DIDO1: variants seen among roughly 807,000 people sequenced by gnomAD.
The protein encoded by DIDO1 is death-inducer obliterator 1.
DIDO1 carries 16 observed loss-of-function variants against 99.4 expected under a neutral mutation model. That is an observed-to-expected ratio of 0.16 (90% CI 0.11 to 0.24). DIDO1 has a LOEUF of 0.24. Ranked by LOEUF, DIDO1 falls within the 10% of genes least tolerant of loss-of-function variation. DIDO1 has a pLI of 1.00. For missense variants in DIDO1, 2,996 were observed against 3,014.0 expected (o/e 0.99, Z 0.14); for synonymous variants, 1,366 against 1,239.1 (o/e 1.10, Z -2.15).
chr20:62,899,513 G>A (rs2064614787), intron 6 of DIDO1, among the ~76,000 whole-genome samples: 2 of 152,336 alleles, frequency 1.3e-5, no homozygotes, highest in Middle Eastern at 3.4e-3. Context: ...CCCTCACTTA[G>A]GGAAAACCCG....
At chr20:62,891,462 G>C (rs554589606) in intron 14 of DIDO1, among the ~76,000 whole-genome samples, 1 of 152,072 alleles carries the variant, frequency 6.6e-6, no homozygotes, top group Non-Finnish European at 1.5e-5. Flanking sequence ...TAGCCCTTTC[G>C]TGAACCTGAC....
At chr20:62,887,820 TG>T in intron 15 of DIDO1, 1 of 985,096 alleles carries the variant, frequency 1.0e-6, no homozygotes, top group Non-Finnish European at 1.2e-6. Context: ...TGGAACTGAG[TG>T]GGGTGAACAT....
rs114915916 is a variant in DIDO1 at position 62,885,565 on chromosome 20, C to T, written c.3542-3151G>A. 9.5e-3 allele frequency among the ~76,000 whole-genome samples: 1,443 copies of T among 152,266 alleles called. 16 individuals are homozygous for T. Among genetic ancestry groups the T allele is most frequent in the African/African-American group, 0.033 (1,370 of 41,540 alleles). On this transcript the variant is annotated intron_variant, in intron 15 of 15. Coordinates refer to ENST00000395343, the MANE Select transcript of DIDO1 (RefSeq NM_001193369.2). ...ATTGGCATCAAACACGCAGCTGGCA[C>T]GTGTAAATGCTCCCAGCTCTTGGTG...
intron 6 of DIDO1, among the ~76,000 whole-genome samples, chr20:62,904,278 G>A (rs2064751201): frequency 1.3e-5 from 2 of 152,102 alleles, no homozygotes; most frequent in African/African-American, 2.4e-5. Context: ...CTGCTCTATC[G>A]TAGAGGTGCT....
Position 62,921,967 on chromosome 20 carries a change from T to TAC in DIDO1, c.-200+4470_-200+4471dup, listed in dbSNP as rs199569249. 8.7e-3 allele frequency among the ~76,000 whole-genome samples: 1,304 copies of TAC among 150,378 alleles called. 9 individuals carry two copies. The highest frequency in any genetic ancestry group is 0.014 in the Non-Finnish European group (969 of 67,656). ...ACACTATATATGTCCACAATATATATACACACTATACATATGTCCACAATA... is the reference window on the plus strand; with the variant it reads ...ACACTATATATGTCCACAATATATATACACACACTATACATATGTCCACAATA... On this transcript the variant is annotated intron_variant, in intron 1 of 15. Coordinates refer to ENST00000395343, the MANE Select transcript of DIDO1 (RefSeq NM_001193369.2).
intron 6 of DIDO1, among the ~76,000 whole-genome samples, chr20:62,898,479 A>G (rs1038845568): frequency 2.0e-5 from 3 of 152,094 alleles, no homozygotes; most frequent in African/African-American, 7.2e-5. Flanking sequence ...CTTTCAAACA[A>G]TGGTGTCACT....
chr20:62,901,932 CTG>C (rs2064692217), intron 6 of DIDO1, among the ~76,000 whole-genome samples: 1 of 152,004 alleles, frequency 6.6e-6, no homozygotes, highest in South Asian at 2.1e-4. Context: ...CCTCTGCACT[CTG>C]TGACACCGAG....
chr20:62,930,397 C>T (rs906322161), upstream of DIDO1, among the ~76,000 whole-genome samples: 2 of 152,084 alleles, frequency 1.3e-5, no homozygotes, highest in African/African-American at 2.4e-5. Flanking sequence ...TAGTGGGTAA[C>T]ATAAGGGGAA....
At chr20:62,891,190 A>T in intron 14 of DIDO1, 35 bp from the exon 15 acceptor site, 2 of 1,611,992 alleles carry the variant, frequency 1.2e-6, no homozygotes, top group South Asian at 1.1e-5. Context: ...TCATAAAGAA[A>T]ATGTGGCTCA....
rs954239937 is a variant in DIDO1, at chr20:62,896,714, G to T, written c.1871C>A (p.Ala624Asp). 3.7e-6 allele frequency: 6 copies of T among 1,613,622 alleles called. No individual in the cohort carries two copies. Among genetic ancestry groups the T allele is most frequent in the Non-Finnish European group, 5.1e-6 (6 of 1,179,868 alleles). The part of the protein sequence containing the change: ...AGPAPAAATA[A>D]SKKFPGSAAL... Reference sequence around the variant, plus strand: ...AGCGGAGCCAGGGAACTTCTTGGAGGCAGCCGTTGCCGCTGCAGGTGCCGG... The same window carrying T: ...AGCGGAGCCAGGGAACTTCTTGGAGTCAGCCGTTGCCGCTGCAGGTGCCGG... Residue 624 changes from alanine (A) to aspartate (D), a missense_variant, in exon 7 of 16, where the codon GCC (alanine) becomes GAC (aspartate). Physicochemically the swap from Ala to Asp is moderately radical, Grantham distance 126 (BLOSUM62 -2). Around this residue, in one of 5 missense-constraint regions of DIDO1, gnomAD observed 898 missense variants for 972.7 expected, o/e 0.92. Coordinates refer to ENST00000395343, the MANE Select transcript of DIDO1 (RefSeq NM_001193369.2). The surrounding 1 kb of genome is among the most constrained non-coding windows in gnomAD (Gnocchi z 4.4).
chr20:62,892,808 C>T lies in DIDO1; in HGVS notation c.3255+1G>A. 6.2e-7 allele frequency: 1 copy of T among 1,612,050 alleles called. No homozygotes were observed. Among genetic ancestry groups the T allele is most frequent in the Non-Finnish European group, 8.5e-7 (1 of 1,178,568 alleles). On this transcript the variant is annotated splice_donor_variant, in intron 13 of 15. Transcript: ENST00000395343. LOFTEE classifies it high-confidence loss of function. ...CGCACACACATTTTCTTGGTTCTAA[C>T]CTCACTGAGGTAATCAAAACACCCA...
rs2064945067 is a variant in DIDO1 at position 62,911,651 on chromosome 20, C to T, written c.-2-37G>A. 6.7e-7 allele frequency: 1 copy of T among 1,498,144 alleles called. No individual in the cohort carries two copies. Among genetic ancestry groups the T allele is most frequent in the Admixed American group, 2.4e-5 (1 of 42,374 alleles). The allele number at this position is 1,498,144 out of a possible 1,614,324, so 92.8% of individuals were successfully genotyped here. A position where few individuals can be genotyped will look rare whatever the true frequency, so the allele number is the denominator to read the frequency against. On this transcript the variant is annotated intron_variant, in intron 2 of 15. Transcript: ENST00000395343. The surrounding 1 kb of genome is among the most constrained non-coding windows in gnomAD (Gnocchi z 7.0). ...GTGTAAGCACATAGTGACCAACTGA[C>T]CACAGAACAAAAGGTGACATTGCCG...
intron 5 of DIDO1, among the ~76,000 whole-genome samples, 160 bp from the exon 6 acceptor site, chr20:62,906,260 C>T (rs2064802336): frequency 6.6e-6 from 1 of 152,236 alleles, no homozygotes; most frequent in Non-Finnish European, 1.5e-5. Flanking sequence ...AACACACTTG[C>T]GTATTCGGTG....
rs541627200 is a variant in DIDO1 at position 62,931,611 on chromosome 20, T to C, written c.-200+6185A>G. ...CCGCGAAAAAGGGGAAACGAACCCA[T>C]AGACGACTGAATTCCTGCACCTGCT... On this transcript the variant is annotated intron_variant, in intron 1 of 15. Transcript: ENST00000266070. 8.5e-5 allele frequency among the ~76,000 whole-genome samples: 13 copies of C among 152,274 alleles called. No individual in the cohort carries two copies. In the East Asian group the frequency reaches 2.5e-3, roughly 29 times the overall value.
chr20:62,906,495 C>A (rs1164087979), intron 5 of DIDO1, among the ~76,000 whole-genome samples: 1 of 152,196 alleles, frequency 6.6e-6, no homozygotes, highest in Non-Finnish European at 1.5e-5. Context: ...CGAGGCTGTG[C>A]CCAACGCCGA....
intron 6 of DIDO1, chr20:62,905,476 A>T (rs1428714890): frequency 1.3e-6 from 2 of 1,543,678 alleles, no homozygotes; most frequent in African/African-American, 2.7e-5. Context: ...CAATGTGGAA[A>T]AACTGAAGCG....
At position 62,879,211 on chromosome 20, in the gene DIDO1, GGTCTCTGCCCGGCCGGGGC is replaced by G; in HGVS notation, c.*3_*21del. 6.8e-7 allele frequency: 1 copy of G among 1,465,156 alleles called. No homozygotes were observed. The highest frequency in any genetic ancestry group is 9.0e-7 in the Non-Finnish European group (1 of 1,113,976). The allele number at this position is 1,465,156 out of a possible 1,614,324, so 90.8% of individuals were successfully genotyped here. A position where few individuals can be genotyped will look rare whatever the true frequency, so the allele number is the denominator to read the frequency against. ...ATCTTACGAACGTGGCTTTAAAAAG[GGTCTCTGCCCGGCCGGGGC>G]GTCTAGGCCTGCGAGGCGGTGCCAG... On this transcript the variant is annotated 3_prime_UTR_variant, in exon 16 of 16. Coordinates refer to ENST00000395343, the MANE Select transcript of DIDO1 (RefSeq NM_001193369.2). The surrounding 1 kb of genome is among the most constrained non-coding windows in gnomAD (Gnocchi z 6.3).
rs748261564 is a variant in DIDO1, at chr20:62,894,240, C to G, written c.2573-46G>C. On this transcript the variant is annotated intron_variant, in intron 11 of 15. Transcript: ENST00000395343. This position sits in a 1 kb window ranked among gnomAD's most constrained non-coding sequence, Gnocchi z 4.4. ...CTCTGTGAGAAACCCAGCCGGCACACTGGTGTTTCTCACACAAAGCCGAAA... is the reference window on the plus strand; with the variant it reads ...CTCTGTGAGAAACCCAGCCGGCACAGTGGTGTTTCTCACACAAAGCCGAAA... 6.3e-7 allele frequency: 1 copy of G among 1,593,594 alleles called. No individual in the cohort carries two copies.
Position 62,896,820 on chromosome 20 carries a change from C to T in DIDO1, c.1765G>A (p.Gly589Ser). The stretch of plus-strand genomic sequence containing the variant: ...CTCTTGGGGATGGTGCCCTTGAAAC[C>T]TGAGGGTGGCTTTTTAATGGCTGGT... ...ATPAIKKPPS[G>S]FKGTIPKRPW... Residue 589 changes from glycine (G) to serine (S), a missense_variant, in exon 7 of 16, where the codon GGT (glycine) becomes AGT (serine). By Grantham distance (56) the Gly-to-Ser change is moderately conservative. Coordinates refer to ENST00000395343, the MANE Select transcript of DIDO1 (RefSeq NM_001193369.2). This position sits in a 1 kb window ranked among gnomAD's most constrained non-coding sequence, Gnocchi z 4.4. The T allele has an allele frequency of 6.2e-7, 1 of 1,614,188 alleles. No individual in the cohort carries two copies. Among genetic ancestry groups the T allele is most frequent in the South Asian group, 1.1e-5 (1 of 91,086 alleles).
Sources: allele counts gnomAD v4.1 joint callset (sites outside exome capture counted in the v4.1 genomes callset), GRCh38; gene constraint gnomAD v4.1.1; regional missense constraint gnomAD v4.1.1; non-coding constraint Gnocchi (gnomAD v3.1); transcripts MANE v1.5; gene names NCBI Gene and HGNC (gene_info 2026-07-23, HGNC 2026-07-21).